ACSF3: variants seen among roughly 807,000 people sequenced by gnomAD.
ACSF3 encodes acyl-CoA synthetase family member 3.
Under a neutral mutation model 53.2 loss-of-function variants are expected in ACSF3, and 78 were observed. The observed-to-expected ratio is 1.47, with a 90% CI of 1.22 to 1.77. The LOEUF is 1.77. ACSF3 is among the 40% of genes most tolerant of loss of function. The pLI is 0.00. For missense variants in ACSF3, 937 were observed against 771.1 expected, an observed-to-expected ratio of 1.22 and a Z score of -2.55; for synonymous variants, 414 against 333.1, an observed-to-expected ratio of 1.24 and a Z score of -2.65.
chr16:89,148,665 C>G (rs1913557565), intron 10 of ACSF3: 1 of 152,312 alleles, frequency 6.6e-6, no homozygotes, highest in Non-Finnish European at 1.5e-5. Context: ...CAGGGCCCCA[C>G]TGGGGACTCT....
intron 6 of ACSF3, among the ~76,000 whole-genome samples, chr16:89,119,974 C>T (rs1474500311): frequency 2.0e-5 from 3 of 152,230 alleles, no homozygotes; most frequent in Non-Finnish European, 4.4e-5. Context: ...CCTCACGCCC[C>T]GGGATAGACA....
At chr16:89,107,330 C>T (rs989724113) in intron 4 of ACSF3, among the ~76,000 whole-genome samples, 8 of 152,176 alleles carry the variant, frequency 5.3e-5, no homozygotes, top group African/African-American at 1.7e-4. Context: ...GCGCCTGCTC[C>T]CTGCCCCTCA....
At chr16:89,148,964 C>T (rs978578395) in intron 10 of ACSF3, 9 of 152,216 alleles carry the variant, frequency 5.9e-5, no homozygotes, top group African/African-American at 2.2e-4. Context: ...GAATTCCTCC[C>T]CAGAAAATTG....
At chr16:89,143,201 C>T (rs1427428638) in intron 8 of ACSF3, among the ~76,000 whole-genome samples, 4 of 151,834 alleles carry the variant, frequency 2.6e-5, no homozygotes, top group Non-Finnish European at 5.9e-5. Context: ...CAGTGCCGTG[C>T]GTAGCTTTGG....
chr16:89,101,474 A>G, intron 3 of ACSF3, 127 bp downstream of exon 3: 8 of 1,521,440 alleles, frequency 5.3e-6, no homozygotes, highest in South Asian at 1.2e-5. Context: ...CATCCTGCAG[A>G]CCCGTGTGAG....
intron 7 of ACSF3, among the ~76,000 whole-genome samples, chr16:89,129,429 C>T (rs1157237939): frequency 6.6e-6 from 1 of 151,926 alleles, no homozygotes; most frequent in Non-Finnish European, 1.5e-5. Flanking sequence ...ATTATTATAG[C>T]TATTTTAATT....
intron 8 of ACSF3, among the ~76,000 whole-genome samples, chr16:89,135,089 T>C (rs762254408): frequency 4.8e-4 from 73 of 151,694 alleles, no homozygotes; most frequent in Non-Finnish European, 9.1e-4. Context: ...TTTTTTTTTT[T>C]TGGCCTGTCT....
intron 7 of ACSF3, among the ~76,000 whole-genome samples, chr16:89,121,803 C>T (rs971413700): frequency 2.0e-5 from 3 of 152,224 alleles, no homozygotes; most frequent in African/African-American, 4.8e-5. Flanking sequence ...CAGCCACACG[C>T]CCTCCTTGTA....
At chr16:89,124,462 C>T (rs375648928) in intron 7 of ACSF3, among the ~76,000 whole-genome samples, 3 of 145,988 alleles carry the variant, frequency 2.1e-5, no homozygotes, top group South Asian at 4.4e-4. Flanking sequence ...GCGTACTCTG[C>T]GCATGTGTGA....
rs535695991 is a variant in ACSF3 at position 89,145,269 on chromosome 16, G to A, written c.1369G>A (p.Asp457Asn). 70 of 1,614,172 alleles carry A rather than the reference G, an allele frequency of 4.3e-5. No homozygotes were observed. The South Asian group carries it at 7.2e-4, about 17-fold the overall frequency. The change falls in exon 9 of 11, where the codon GAC becomes AAC. Residue 457 changes from aspartate (D) to asparagine (N), a missense_variant and splice_region_variant. Coordinates refer to ENST00000614302, the MANE Select transcript of ACSF3 (RefSeq NM_001243279.3). ...FTLDGWFKTG[D>N]TVVFKDGQYW... The stretch of plus-strand genomic sequence containing the variant: ...TAACCAGAGCCCCTTTTCCTCAGGG[G>A]ACACCGTGGTGTTTAAGGATGGCCA...
chr16:89,106,969 A>C, intron 4 of ACSF3, among the ~76,000 whole-genome samples: 1 of 152,226 alleles, frequency 6.6e-6, no homozygotes, highest in East Asian at 1.9e-4. Flanking sequence ...AGACAGCCAG[A>C]GGCTCAGATC....
chr16:89,125,625 A>G (rs1482576435), intron 7 of ACSF3, among the ~76,000 whole-genome samples: 1 of 151,430 alleles, frequency 6.6e-6, no homozygotes, highest in Non-Finnish European at 1.5e-5. Context: ...TGGGAGGTGG[A>G]GGTTGAAGTG....
intron 7 of ACSF3, chr16:89,122,939 C>T (rs1907006187): frequency 6.6e-6 from 1 of 152,324 alleles, no homozygotes; most frequent in Non-Finnish European, 1.5e-5. Context: ...GAAGCAGCAG[C>T]CTCAGCTACC....
intron 3 of ACSF3, chr16:89,102,270 C>T (rs917580566): frequency 5.0e-5 from 20 of 400,112 alleles, no homozygotes; most frequent in Admixed American, 2.9e-4. Flanking sequence ...GCCTGAATGG[C>T]GCTGGGTCCC....
In ACSF3 at chr16:89,154,470, G is replaced by C; in HGVS notation, c.*263G>C. 1.6e-6 allele frequency: 1 copy of C among 616,778 alleles called. No individual in the cohort carries two copies. Among genetic ancestry groups the C allele is most frequent in the South Asian group, 1.5e-5 (1 of 65,904 alleles). 38.2% of individuals were successfully genotyped at this position (616,778 alleles called of 1,614,324 possible). A position where few individuals can be genotyped will look rare whatever the true frequency, so the allele number is the denominator to read the frequency against. Reference sequence around the variant, plus strand: ...TCATCTGTGCAGCGCGGTGCAGCCAGCCCCTGGCCCCACGTGCTGAGGCAC... The same window carrying C: ...TCATCTGTGCAGCGCGGTGCAGCCACCCCCTGGCCCCACGTGCTGAGGCAC... On this transcript the variant is annotated 3_prime_UTR_variant, in exon 11 of 11. Transcript: ENST00000614302.
chr16:89,112,760 G>A (rs998615796), intron 5 of ACSF3, among the ~76,000 whole-genome samples: 3 of 152,088 alleles, frequency 2.0e-5, no homozygotes, highest in Non-Finnish European at 4.4e-5. Context: ...CTGTCATGGC[G>A]TCTGAAGGAC....
intron 7 of ACSF3, among the ~76,000 whole-genome samples, chr16:89,124,591 G>C (rs541179393): frequency 6.6e-6 from 1 of 152,142 alleles, no homozygotes; most frequent in Non-Finnish European, 1.5e-5. Context: ...CTGTGTGTGT[G>C]ATACCCATGC....
intron 5 of ACSF3, chr16:89,113,688 A>C: frequency 5.9e-6 from 1 of 169,652 alleles, no homozygotes. Context: ...CGCCTTCCCT[A>C]CTGCCCGTGA....
intron 1 of ACSF3, among the ~76,000 whole-genome samples, chr16:89,096,447 G>C (rs757278439): frequency 6.6e-6 from 1 of 152,178 alleles, no homozygotes; most frequent in South Asian, 2.1e-4. Flanking sequence ...CTCTGTCTGC[G>C]TGTTCGAGGC....
Sources: allele counts gnomAD v4.1 joint callset (sites outside exome capture counted in the v4.1 genomes callset), GRCh38; gene constraint gnomAD v4.1.1; transcripts MANE v1.5; gene names NCBI Gene and HGNC (gene_info 2026-07-23, HGNC 2026-07-21).